MBP: variants seen among roughly 807,000 people sequenced by gnomAD.
The protein encoded by MBP is Golli-MBP.
A neutral mutation model predicts 35.8 loss-of-function variants in MBP; 16 were observed. That is an observed-to-expected ratio of 0.45 (90% CI 0.30 to 0.68). The LOEUF (loss-of-function observed/expected upper bound fraction) is 0.68, where lower values mean the gene tolerates loss of function less well. Ranked by LOEUF, MBP falls within the 30% of genes least tolerant of loss-of-function variation. The pLI, the probability that MBP is intolerant of heterozygous loss-of-function variation, is 0.08. For synonymous variants in MBP, 143 were observed against 159.6 expected, an observed-to-expected ratio of 0.90 and a Z score of 0.78; for missense variants, 380 against 404.7, an observed-to-expected ratio of 0.94 and a Z score of 0.52.
chr18:77,068,561 G>A (rs1004026111), intron 2 of MBP, among the ~76,000 whole-genome samples: 1 of 152,174 alleles, frequency 6.6e-6, no homozygotes. Flanking sequence ...TGCAGAAAGA[G>A]GTGTTGCCTG....
intron 3 of MBP, among the ~76,000 whole-genome samples, chr18:77,064,905 C>T (rs1202590711): frequency 6.6e-6 from 1 of 152,086 alleles, no homozygotes; most frequent in Non-Finnish European, 1.5e-5. Flanking sequence ...TTCATTCCAC[C>T]CCTTTTCCTC....
chr18:77,018,003 TA>T (rs1403883003), intron 3 of MBP, among the ~76,000 whole-genome samples: 2 of 152,252 alleles, frequency 1.3e-5, no homozygotes, highest in African/African-American at 4.8e-5. Flanking sequence ...GTGTTAGGTT[TA>T]AATAAATATC....
intron 4 of MBP, among the ~76,000 whole-genome samples, chr18:76,998,286 C>T (rs1181047331): frequency 1.3e-5 from 2 of 152,182 alleles, no homozygotes; most frequent in African/African-American, 4.8e-5. Flanking sequence ...GCTTGGTGCA[C>T]TTACCGCAGT....
chr18:77,083,648 T>C (rs1334238842), intron 2 of MBP, among the ~76,000 whole-genome samples: 2 of 152,244 alleles, frequency 1.3e-5, no homozygotes, highest in Non-Finnish European at 2.9e-5. Flanking sequence ...GAATATTACT[T>C]AGCTATATTT....
chr18:76,987,777 T>C, intron 7 of MBP: 1 of 1,016,412 alleles, frequency 9.8e-7, no homozygotes, highest in Non-Finnish European at 1.2e-6. Context: ...TATTTGCTAG[T>C]AACTAAAGTC....
rs1971947126 is a variant in MBP, at chr18:77,020,494, A to G, written c.140-3226T>C. Among the ~76,000 whole-genome samples, 1 of 152,148 alleles carries G rather than the reference A, an allele frequency of 6.6e-6. No homozygotes were observed. Among genetic ancestry groups the G allele is most frequent in the African/African-American group, 2.4e-5 (1 of 41,430 alleles). On this transcript the variant is annotated intron_variant, in intron 3 of 8. Transcript: ENST00000355994. This position sits in a 1 kb window ranked among gnomAD's most constrained non-coding sequence, Gnocchi z 4.1. ...CTTAGGATATGGTCCTGTCACTGCT[A>G]TGACTCATTGCAATGAGAGGTGCAT... is the stretch of plus-strand genomic sequence containing the variant.
intron 2 of MBP, among the ~76,000 whole-genome samples, chr18:77,069,767 A>C (rs1974357063): frequency 6.6e-6 from 1 of 152,166 alleles, no homozygotes; most frequent in African/African-American, 2.4e-5. Context: ...CCTGTGCGCC[A>C]GCTTGTGCAC....
chr18:76,998,714 A>G (rs1435797907), intron 4 of MBP, among the ~76,000 whole-genome samples: 1 of 152,178 alleles, frequency 6.6e-6, no homozygotes, highest in Non-Finnish European at 1.5e-5. Context: ...ACACAGTGTT[A>G]GGGTGGCTTG....
chr18:77,055,669 G>A (rs904965217), intron 3 of MBP, among the ~76,000 whole-genome samples: 8 of 150,938 alleles, frequency 5.3e-5, no homozygotes, highest in Admixed American at 5.3e-4. Context: ...TCTTTCATAG[G>A]ATAACTTCCA....
chr18:77,055,828 C>A (rs1973697129), intron 3 of MBP, among the ~76,000 whole-genome samples: 1 of 152,212 alleles, frequency 6.6e-6, no homozygotes, highest in Non-Finnish European at 1.5e-5. Context: ...AAATGTCTTT[C>A]CAAACACAGC....
intron 3 of MBP, among the ~76,000 whole-genome samples, chr18:77,057,303 C>T (rs949499949): frequency 5.3e-5 from 8 of 152,176 alleles, no homozygotes; most frequent in African/African-American, 1.7e-4. Context: ...GCAGCTGCAC[C>T]CTCATCTGAC....
intron 3 of MBP, among the ~76,000 whole-genome samples, chr18:77,063,964 C>T (rs982556846): frequency 4.6e-5 from 7 of 151,426 alleles, no homozygotes; most frequent in African/African-American, 1.5e-4. Flanking sequence ...GCCATCGTTA[C>T]GAATAATCTC....
chr18:77,013,103 A>G (rs1599061954), intron 4 of MBP: 1 of 985,444 alleles, frequency 1.0e-6, no homozygotes, highest in East Asian at 1.1e-4. Context: ...TGATCAGAGT[A>G]ATGAGACTTT....
At chr18:77,084,828 G>A (rs2144963500) in intron 2 of MBP, among the ~76,000 whole-genome samples, 1 of 152,256 alleles carries the variant, frequency 6.6e-6, no homozygotes, top group East Asian at 1.9e-4. Context: ...GTTTATCAAG[G>A]TCTGTTATGT....
intron 7 of MBP, chr18:76,987,125 A>G (rs1280982390): frequency 1.0e-6 from 1 of 985,520 alleles, no homozygotes; most frequent in Middle Eastern, 5.2e-4. Context: ...CTGGGGCAGA[A>G]CGGCCTGTGT....
In MBP at chr18:76,989,932, C is replaced by T. The variant is rs1286919087; in HGVS notation, c.681+24G>A. Reference sequence around the variant, plus strand: ...CCCTCCTCCCCCTCACAGTTGCTACCTCTTCCCATCGATCGTCACTTACAA... The same window carrying T: ...CCCTCCTCCCCCTCACAGTTGCTACTTCTTCCCATCGATCGTCACTTACAA... On this transcript the variant is annotated intron_variant, in intron 5 of 8. Transcript: ENST00000355994. The surrounding 1 kb of genome is among the most constrained non-coding windows in gnomAD (Gnocchi z 4.0). 1.3e-6 allele frequency: 2 copies of T among 1,591,922 alleles called. No homozygotes were observed. Among genetic ancestry groups the T allele is most frequent in the Non-Finnish European group, 1.7e-6 (2 of 1,161,662 alleles).
chr18:77,021,860 T>C (rs1220380716), intron 3 of MBP, among the ~76,000 whole-genome samples: 1 of 152,146 alleles, frequency 6.6e-6, no homozygotes, highest in Non-Finnish European at 1.5e-5. Context: ...TCCCGGGGTC[T>C]TTGGCCAACT....
intron 3 of MBP, among the ~76,000 whole-genome samples, chr18:77,054,955 T>TGAG (rs1973663869): frequency 2.0e-5 from 3 of 152,122 alleles, no homozygotes; most frequent in Admixed American, 2.0e-4. Flanking sequence ...GAGGAGAAGG[T>TGAG]GAGGGACTTG....
intron 3 of MBP, among the ~76,000 whole-genome samples, chr18:77,043,173 G>C (rs1973085034): frequency 6.6e-6 from 1 of 152,146 alleles, no homozygotes; most frequent in African/African-American, 2.4e-5. Context: ...TATGCATCTA[G>C]AGGAGGTAGA....
Sources: allele counts gnomAD v4.1 joint callset (sites outside exome capture counted in the v4.1 genomes callset), GRCh38; gene constraint gnomAD v4.1.1; non-coding constraint Gnocchi (gnomAD v3.1); transcripts MANE v1.5; gene names NCBI Gene and HGNC (gene_info 2026-07-23, HGNC 2026-07-21).